FNBP4: variants seen among roughly 807,000 people sequenced by gnomAD.
FNBP4 encodes the protein formin binding protein 4, also known as formin-binding protein 4.
A neutral mutation model predicts 119.3 loss-of-function variants in FNBP4; 34 were observed. The observed-to-expected ratio is 0.28, with a 90% CI of 0.22 to 0.38. The LOEUF (loss-of-function observed/expected upper bound fraction) is 0.38. Ranked by LOEUF, FNBP4 falls within the 10% of genes least tolerant of loss-of-function variation. The pLI is 1.00. For missense variants in FNBP4, 1,112 were observed against 1,228.9 expected, an observed-to-expected ratio of 0.90 and a Z score of 1.42; for synonymous variants, 462 against 430.6, an observed-to-expected ratio of 1.07 and a Z score of -0.90.
chr11:47,723,918 C>T, intron 14 of FNBP4, 110 bp downstream of exon 14: 1 of 859,212 alleles, frequency 1.2e-6, no homozygotes, highest in Non-Finnish European at 1.7e-6. Flanking sequence ...TGCATACTGA[C>T]AGTCTTTGCA....
chr11:47,758,711 T>C (rs889100636), intron 2 of FNBP4, among the ~76,000 whole-genome samples: 2 of 151,520 alleles, frequency 1.3e-5, no homozygotes, highest in Non-Finnish European at 2.9e-5. Flanking sequence ...AACAAAAAAT[T>C]AGCTGGCTGT....
At position 47,716,826 on chromosome 11, in the gene FNBP4, A is replaced by G. The variant is rs2097550430; in HGVS notation, c.*596T>C. ...CACATACTTGAGGGGAAATTCTCAA[A>G]ATCAAGGATATGAACACCTGCTGCT... On this transcript the variant is annotated 3_prime_UTR_variant, in exon 17 of 17. Transcript: ENST00000263773. The G allele has an allele frequency of 6.6e-6, 1 of 152,564 alleles. No individual in the cohort carries two copies. The highest frequency in any genetic ancestry group is 2.4e-5 in the African/African-American group (1 of 41,452). The allele number at this position is 152,564 out of a possible 1,614,324, so 9.5% of individuals were successfully genotyped here.
At chr11:47,749,502 G>A (rs930981258) in intron 6 of FNBP4, among the ~76,000 whole-genome samples, 2 of 152,098 alleles carry the variant, frequency 1.3e-5, no homozygotes, top group African/African-American at 4.8e-5. Context: ...GATGCAATGA[G>A]CTGAAATCGC....
intron 2 of FNBP4, among the ~76,000 whole-genome samples, chr11:47,761,735 G>C (rs1358161237): frequency 6.6e-6 from 1 of 152,000 alleles, no homozygotes; most frequent in Non-Finnish European, 1.5e-5. Flanking sequence ...GCAATAAAGT[G>C]AGACCATGTC....
chr11:47,723,448 T>C lies in FNBP4; in HGVS notation c.2465-132A>G, dbSNP rs969730170. 4.4e-6 allele frequency: 6 copies of C among 1,374,008 alleles called. No individual in the cohort carries two copies. In the African/African-American group the frequency reaches 8.7e-5, roughly 20 times the overall value. The allele number at this position is 1,374,008 out of a possible 1,614,324, so 85.1% of individuals were successfully genotyped here. Reference sequence around the variant, plus strand: ...TATCCTTTTCTAAAAAGCATAGCCATATTTGCTGGTAGCAAAATATATTAA... The same window carrying C: ...TATCCTTTTCTAAAAAGCATAGCCACATTTGCTGGTAGCAAAATATATTAA... On this transcript the variant is annotated intron_variant, in intron 14 of 16. Transcript: ENST00000263773.
chr11:47,732,572 G>A lies in FNBP4; in HGVS notation c.1785C>T (p.Asn595=), dbSNP rs1185626588. ...GGCAGGACCAGCCTTTAGGAGTGGC[G>A]TTTATTTCATACTGTTTTAGTTGTT... ...AAEQLKQYEI[N]ATPKGWSCHW... The change falls in exon 11 of 17, where the codon AAC becomes AAT. Residue 595 remains asparagine (N), a synonymous_variant. Transcript: ENST00000263773. This position sits in a 1 kb window ranked among gnomAD's most constrained non-coding sequence, Gnocchi z 4.2. The A allele has an allele frequency of 5.0e-6, 8 of 1,614,104 alleles. No homozygotes were observed. The highest frequency in any genetic ancestry group is 1.3e-5 in the African/African-American group (1 of 75,020).
chr11:47,717,722 G>A (rs1030379797), intron 16 of FNBP4, among the ~76,000 whole-genome samples: 18 of 152,036 alleles, frequency 1.2e-4, no homozygotes, highest in African/African-American at 3.9e-4. Context: ...CCAGTTTTAC[G>A]TATATGTCTA....
intron 2 of FNBP4, among the ~76,000 whole-genome samples, chr11:47,764,401 T>A (rs1404486592): frequency 6.6e-6 from 1 of 152,210 alleles, no homozygotes; most frequent in African/African-American, 2.4e-5. Flanking sequence ...ATATTTTAAA[T>A]GAGTGTTAAG....
At chr11:47,751,329 C>G (rs780119736) in intron 4 of FNBP4, 39 bp from the exon 5 acceptor site, 6 of 1,611,550 alleles carry the variant, frequency 3.7e-6, no homozygotes, top group Non-Finnish European at 5.1e-6. Context: ...AATCCCTCTA[C>G]AATTCTGGCT....
chr11:47,729,808 TG>T (rs2097565399), intron 12 of FNBP4: 1 of 985,336 alleles, frequency 1.0e-6, no homozygotes, highest in Admixed American at 6.1e-5. Context: ...TTAGAACTGT[TG>T]ATTATTGCTC....
chr11:47,766,333 C>G (rs963707534), intron 1 of FNBP4, among the ~76,000 whole-genome samples: 2 of 152,126 alleles, frequency 1.3e-5, no homozygotes, highest in Non-Finnish European at 2.9e-5. Flanking sequence ...CAAAACAAAA[C>G]TCTTAAAAAG....
At chr11:47,756,092 A>G (rs1168689314) in intron 2 of FNBP4, among the ~76,000 whole-genome samples, 2 of 152,164 alleles carry the variant, frequency 1.3e-5, no homozygotes, top group Non-Finnish European at 2.9e-5. Context: ...AGTGACAGGA[A>G]TTAAAAATGG....
intron 8 of FNBP4, among the ~76,000 whole-genome samples, chr11:47,738,189 C>G (rs1356835987): frequency 6.6e-6 from 1 of 152,206 alleles, no homozygotes; most frequent in Non-Finnish European, 1.5e-5. Context: ...TAAAACGGAG[C>G]ACACAATATG....
At chr11:47,718,702 T>C (rs922437617) in intron 16 of FNBP4, among the ~76,000 whole-genome samples, 6 of 152,298 alleles carry the variant, frequency 3.9e-5, no homozygotes, top group East Asian at 1.9e-4. Context: ...ACACTGACAA[T>C]TGATGAACAG....
At chr11:47,750,692 A>C (rs1325047440) in intron 6 of FNBP4, among the ~76,000 whole-genome samples, 239 of 8,796 alleles carry the variant, frequency 0.027, no homozygotes, top group Non-Finnish European at 0.13. Context: ...CTGTCTCAAA[A>C]AAAAAAAAAA....
intron 8 of FNBP4, among the ~76,000 whole-genome samples, chr11:47,739,009 T>G (rs2097578128): frequency 6.6e-6 from 1 of 151,792 alleles, no homozygotes; most frequent in Non-Finnish European, 1.5e-5. Flanking sequence ...CTGGCTTTTT[T>G]TTTTTGAGGC....
rs761049836 is a variant in FNBP4, at chr11:47,722,965, A to G, written c.2805+11T>C. ...TAAAAATAAATTTTTAAAAAGGGAA[A>G]TTTATTATACCTTGTCTTTCCTTCC... On this transcript the variant is annotated intron_variant, in intron 15 of 16. Coordinates refer to ENST00000263773, the MANE Select transcript of FNBP4 (RefSeq NM_015308.5). 21 of 1,488,476 alleles carry G rather than the reference A, an allele frequency of 1.4e-5. No individual in the cohort carries two copies. Among genetic ancestry groups the G allele is most frequent in the Middle Eastern group, 2.4e-4 (1 of 4,162 alleles). The allele number at this position is 1,488,476 out of a possible 1,614,324, so 92.2% of individuals were successfully genotyped here.
intron 14 of FNBP4, 110 bp downstream of exon 14, chr11:47,723,918 C>A: frequency 1.3e-5 from 11 of 859,178 alleles, no homozygotes; most frequent in Non-Finnish European, 1.7e-5. Context: ...TGCATACTGA[C>A]AGTCTTTGCA....
intron 15 of FNBP4, among the ~76,000 whole-genome samples, chr11:47,720,723 G>A (rs953025997): frequency 9.6e-5 from 14 of 145,690 alleles, no homozygotes; most frequent in African/African-American, 3.3e-4. Flanking sequence ...CAGTGTTCCC[G>A]TTTTCAAATT....
Sources: gnomAD v4.1 joint callset for allele counts (sites outside exome capture counted in the v4.1 genomes callset) on GRCh38, gnomAD v4.1.1 for gene constraint, Gnocchi (gnomAD v3.1) non-coding constraint, MANE v1.5 for transcripts, NCBI Gene and HGNC (gene_info 2026-07-23, HGNC 2026-07-21) for gene names.